The following SLC41A3 variants were observed in gnomAD, a reference collection of about 807,000 sequenced individuals.
The protein encoded by SLC41A3 is solute carrier family 41 member 3.
Under a neutral mutation model 45.4 loss-of-function variants are expected in SLC41A3, and 44 were observed. That is an observed-to-expected ratio of 0.97 (90% CI 0.76 to 1.25). The LOEUF (loss-of-function observed/expected upper bound fraction) is 1.25, where lower values mean the gene tolerates loss of function less well. Ranked by LOEUF, SLC41A3 falls within the 50% of genes most tolerant of loss-of-function variation. The probability of loss-of-function intolerance (pLI) is 0.00; values close to 1 mark genes in which losing one functional copy is unlikely to be tolerated. For missense variants in SLC41A3, 550 were observed against 600.6 expected (o/e 0.92, Z 0.88); for synonymous variants, 256 against 252.4 (o/e 1.01, Z -0.13).
At chr3:126,072,092 T>C (rs534162062) in intron 1 of SLC41A3, among the ~76,000 whole-genome samples, 15 of 152,102 alleles carry the variant, frequency 9.9e-5, no homozygotes, top group African/African-American at 3.6e-4. Context: ...CTTAAATAAG[T>C]AATGGGTCAA....
At chr3:126,032,537 C>T (rs1364254811) in intron 4 of SLC41A3, among the ~76,000 whole-genome samples, 2 of 152,216 alleles carry the variant, frequency 1.3e-5, no homozygotes, top group African/African-American at 4.8e-5. Flanking sequence ...AACAACCCTG[C>T]ACAGGTAAGG....
intron 3 of SLC41A3, among the ~76,000 whole-genome samples, chr3:126,042,036 G>C (rs1464937360): frequency 1.3e-5 from 2 of 152,148 alleles, no homozygotes; most frequent in African/African-American, 4.8e-5. Context: ...GAAAGGAATA[G>C]AACCTGCTGG....
chr3:126,015,019 C>T (rs952612511), intron 8 of SLC41A3, among the ~76,000 whole-genome samples: 9 of 151,924 alleles, frequency 5.9e-5, no homozygotes, highest in Non-Finnish European at 1.0e-4. Context: ...GGTAGAGACC[C>T]GGTATTTGTT....
intron 9 of SLC41A3, 139 bp from the exon 10 acceptor site, chr3:126,009,019 T>C: frequency 3.9e-6 from 4 of 1,020,056 alleles, no homozygotes; most frequent in Middle Eastern, 3.1e-4. Context: ...GTGGCAAGCA[T>C]ATTCTGGCAG....
chr3:126,020,045 GT>G (rs1363534791), intron 6 of SLC41A3, among the ~76,000 whole-genome samples: 2 of 152,116 alleles, frequency 1.3e-5, no homozygotes, highest in Non-Finnish European at 2.9e-5. Context: ...AAACTTGGTA[GT>G]GGCTACTAAG....
chr3:126,012,158 T>A (rs1559804925), intron 9 of SLC41A3, among the ~76,000 whole-genome samples: 1 of 152,202 alleles, frequency 6.6e-6, no homozygotes. Context: ...CTGCACCCAC[T>A]GCCCTGAAAG....
chr3:126,011,365 A>G (rs1939693541), intron 9 of SLC41A3, among the ~76,000 whole-genome samples: 1 of 152,210 alleles, frequency 6.6e-6, no homozygotes, highest in African/African-American at 2.4e-5. Flanking sequence ...AAAAAAGATC[A>G]GTCAACTTGG....
intron 4 of SLC41A3, among the ~76,000 whole-genome samples, chr3:126,031,119 T>C (rs1941766265): frequency 6.6e-6 from 1 of 152,218 alleles, no homozygotes; most frequent in South Asian, 2.1e-4. Context: ...GAAAACCATA[T>C]ATATTATCTA....
chr3:126,034,136 C>T (rs1260542896), intron 3 of SLC41A3, among the ~76,000 whole-genome samples: 1 of 152,212 alleles, frequency 6.6e-6, no homozygotes, highest in Non-Finnish European at 1.5e-5. Context: ...GGTCCCCCTG[C>T]CACCTACAAC....
At chr3:126,039,522 G>A (rs190189379) in intron 3 of SLC41A3, among the ~76,000 whole-genome samples, 170 of 152,316 alleles carry the variant, frequency 1.1e-3, no homozygotes, top group African/African-American at 3.7e-3. Flanking sequence ...TGATAGCAGC[G>A]AGACTTGTCA....
intron 2 of SLC41A3, among the ~76,000 whole-genome samples, chr3:126,054,752 A>G (rs1576319879): frequency 6.6e-6 from 1 of 151,162 alleles, no homozygotes; most frequent in Non-Finnish European, 1.5e-5. Flanking sequence ...ACAGGCAAAC[A>G]CCTCCTTGTG....
intron 9 of SLC41A3, 148 bp downstream of exon 9, chr3:126,012,467 T>A: frequency 2.0e-6 from 2 of 982,556 alleles, no homozygotes; most frequent in South Asian, 3.3e-5. Context: ...GGCCGGGGAG[T>A]CTCATTTCTG....
At chr3:126,076,226 C>T (rs1944874434) in intron 1 of SLC41A3, among the ~76,000 whole-genome samples, 1 of 152,204 alleles carries the variant, frequency 6.6e-6, no homozygotes, top group African/African-American at 2.4e-5. Context: ...TTTCACTTAA[C>T]ATTAAAAGAT....
At chr3:126,042,111 T>G (rs1336646113) in intron 3 of SLC41A3, among the ~76,000 whole-genome samples, 2 of 151,986 alleles carry the variant, frequency 1.3e-5, no homozygotes, top group Non-Finnish European at 2.9e-5. Context: ...CAAAAGCAAA[T>G]GGAAATGGTG....
chr3:126,060,351 G>A (rs780671848), intron 2 of SLC41A3, among the ~76,000 whole-genome samples: 10 of 152,050 alleles, frequency 6.6e-5, no homozygotes, highest in South Asian at 4.2e-4. Flanking sequence ...CCTGGGAGGC[G>A]GAGGTTGCGG....
chr3:126,041,128 CAGAGTGATGA>C (rs1942564015), intron 3 of SLC41A3, among the ~76,000 whole-genome samples: 1 of 151,930 alleles, frequency 6.6e-6, no homozygotes, highest in East Asian at 1.9e-4. Context: ...GTTGAAGAGA[CAGAGTGATGA>C]AGAGTGAATC....
At chr3:126,013,841 G>T (rs9851940) in intron 8 of SLC41A3, among the ~76,000 whole-genome samples, 1 of 152,080 alleles carries the variant, frequency 6.6e-6, no homozygotes, top group South Asian at 2.1e-4. Flanking sequence ...CAGGACGAGC[G>T]GGGTCATGTG....
intron 1 of SLC41A3, among the ~76,000 whole-genome samples, chr3:126,100,277 C>T (rs1305461556): frequency 3.3e-5 from 5 of 152,106 alleles, no homozygotes; most frequent in African/African-American, 1.2e-4. Context: ...CCCTTTATTA[C>T]CTGGAGCAAG....
intron 1 of SLC41A3, among the ~76,000 whole-genome samples, chr3:126,069,229 G>C (rs765496074): frequency 6.6e-6 from 1 of 152,062 alleles, no homozygotes; most frequent in African/African-American, 2.4e-5. Flanking sequence ...TGTACCTCCT[G>C]GACACTTTGC....
Sources: allele counts gnomAD v4.1 joint callset (sites outside exome capture counted in the v4.1 genomes callset), GRCh38; gene constraint gnomAD v4.1.1; transcripts MANE v1.5; gene names NCBI Gene and HGNC (gene_info 2026-07-23, HGNC 2026-07-21).